TACC1: variants seen among roughly 807,000 people sequenced by gnomAD.
TACC1 encodes the protein transforming acidic coiled-coil containing protein 1.
TACC1 carries 48 observed loss-of-function variants against 84.4 expected under a neutral mutation model. The observed-to-expected ratio is 0.57, with a 90% confidence interval of 0.45 to 0.72. TACC1 has a LOEUF of 0.72. TACC1 is among the 30% of genes least tolerant of loss of function. The pLI is 0.00. For missense variants in TACC1, 920 were observed against 973.0 expected, an observed-to-expected ratio of 0.95 and a Z score of 0.72; for synonymous variants, 372 against 376.3, an observed-to-expected ratio of 0.99 and a Z score of 0.13.
At chr8:38,796,644 A>G (rs1820056467) in intron 2 of TACC1, among the ~76,000 whole-genome samples, 1 of 152,232 alleles carries the variant, frequency 6.6e-6, no homozygotes, top group Non-Finnish European at 1.5e-5. Context: ...GATTGAAAAC[A>G]TTTTGCTTCC....
chr8:38,733,061 T>C (rs557371204), intron 1 of TACC1, among the ~76,000 whole-genome samples: 1 of 152,320 alleles, frequency 6.6e-6, no homozygotes, highest in African/African-American at 2.4e-5. Flanking sequence ...AAGGAGACTG[T>C]TCCAGGCAGC....
chr8:38,798,018 A>C lies in TACC1; in HGVS notation c.277+9199A>C, dbSNP rs1281131160. On this transcript the variant is annotated intron_variant, in intron 2 of 12. Transcript: ENST00000317827. Reference sequence around the variant, plus strand: ...ATTGCTGGATTGGCTTCTCTGGAGGAGGCTTTGGCTTCCTGGTGGGTGGAC... The same window carrying C: ...ATTGCTGGATTGGCTTCTCTGGAGGCGGCTTTGGCTTCCTGGTGGGTGGAC... 3.3e-5 allele frequency among the ~76,000 whole-genome samples: 5 copies of C among 152,170 alleles called. No homozygotes were observed. The East Asian group carries it at 7.7e-4, about 23-fold the overall frequency.
At chr8:38,732,071 C>A (rs996249278) in intron 1 of TACC1, among the ~76,000 whole-genome samples, 4 of 151,906 alleles carry the variant, frequency 2.6e-5, no homozygotes, top group Non-Finnish European at 5.9e-5. Context: ...AAGATTGTAC[C>A]ACTGCACTCC....
At position 38,840,239 on chromosome 8, in the gene TACC1, A is replaced by C; in HGVS notation, c.1932A>C (p.Glu644Asp). The change falls in exon 9 of 13, where the codon GAA becomes GAC. Residue 644 changes from glutamate (E) to aspartate (D), a missense_variant. By Grantham distance (45) the Glu-to-Asp change is conservative. Around this residue, in one of 2 missense-constraint regions of TACC1, gnomAD observed 158 missense variants for 225.6 expected, o/e 0.70. Transcript: ENST00000317827. ...EVLEMRKIVAEYEKTIAQMIE... is the reference protein window; with the variant it reads ...EVLEMRKIVADYEKTIAQMIE... ...TCTCATTTAGGAAAATTGTAGCTGA[A>C]TATGAAAAGACTATTGCTCAAATGA... is the stretch of plus-strand genomic sequence containing the variant. 6.2e-7 allele frequency: 1 copy of C among 1,610,650 alleles called. No individual in the cohort carries two copies. The highest frequency in any genetic ancestry group is 8.5e-7 in the Non-Finnish European group (1 of 1,178,722).
chr8:38,763,746 C>A (rs1357247727), intron 3 of TACC1, among the ~76,000 whole-genome samples: 1 of 152,120 alleles, frequency 6.6e-6, no homozygotes, highest in Non-Finnish European at 1.5e-5. Flanking sequence ...TATTACTTTA[C>A]TGAATTCAAA....
At chr8:38,780,419 G>A (rs964620941) in intron 3 of TACC1, among the ~76,000 whole-genome samples, 1 of 152,038 alleles carries the variant, frequency 6.6e-6, no homozygotes, top group Non-Finnish European at 1.5e-5. Flanking sequence ...CTGGAGTGCA[G>A]TGGCACGATC....
chr8:38,803,635 C>CCT (rs1165973785), intron 2 of TACC1, among the ~76,000 whole-genome samples: 1 of 151,974 alleles, frequency 6.6e-6, no homozygotes, highest in Admixed American at 6.6e-5. Flanking sequence ...GTGTATAATC[C>CCT]TTTTTATGTG....
At chr8:38,759,139 G>A (rs1475862271) in intron 3 of TACC1, among the ~76,000 whole-genome samples, 2 of 152,210 alleles carry the variant, frequency 1.3e-5, no homozygotes, top group African/African-American at 2.4e-5. Context: ...GAGGCAAAGA[G>A]CCATGGGTTG....
intron 1 of TACC1, among the ~76,000 whole-genome samples, chr8:38,731,919 C>T (rs1805007419): frequency 6.6e-6 from 1 of 152,110 alleles, no homozygotes; most frequent in African/African-American, 2.4e-5. Context: ...TGAGACCAGC[C>T]TGGCCAACAT....
rs9298641 is a variant in TACC1 at position 38,753,905 on chromosome 8, T to TTTTCTTTCTTTCTTTCTTTC, written c.26+8419_26+8438dup. On this transcript the variant is annotated intron_variant, in intron 3 of 14. Coordinates refer to the TACC1 transcript ENST00000518415. ...AGGCTTCACTCTTTCCTCTTTTTCTTTTTCTTTCTTTCTTTCTTTCTTTCT... is the reference window on the plus strand; with the variant it reads ...AGGCTTCACTCTTTCCTCTTTTTCTTTTTCTTTCTTTCTTTCTTTCTTTCTTTCTTTCTTTCTTTCTTTCT... 3.1e-3 allele frequency among the ~76,000 whole-genome samples: 386 copies of TTTTCTTTCTTTCTTTCTTTC among 124,602 alleles called. 29 individuals are homozygous for TTTTCTTTCTTTCTTTCTTTC. The highest frequency in any genetic ancestry group is 3.9e-3 in the Non-Finnish European group (226 of 57,510). The allele number at this position is 124,602 out of a possible 152,430, so 81.7% of individuals were successfully genotyped here.
intron 1 of TACC1, among the ~76,000 whole-genome samples, chr8:38,731,998 G>C (rs1805021580): frequency 6.6e-6 from 1 of 152,166 alleles, no homozygotes; most frequent in African/African-American, 2.4e-5. Flanking sequence ...TGTAATCTCA[G>C]CTACTCCAGA....
intron 1 of TACC1, among the ~76,000 whole-genome samples, chr8:38,737,534 G>A (rs1193228822): frequency 2.0e-5 from 3 of 152,064 alleles, no homozygotes; most frequent in Non-Finnish European, 2.9e-5. Flanking sequence ...CTTACCTTCT[G>A]CCACAGGCTC....
intron 3 of TACC1, among the ~76,000 whole-genome samples, chr8:38,750,055 C>T (rs1007462188): frequency 7.9e-5 from 12 of 152,066 alleles, no homozygotes; most frequent in Admixed American, 6.6e-4. Flanking sequence ...GTCTTTTAGT[C>T]CTAGCCACTC....
At chr8:38,788,915 T>C in intron 2 of TACC1, 96 bp downstream of exon 2, 1 of 996,980 alleles carries the variant, frequency 1.0e-6, no homozygotes, top group Non-Finnish European at 1.5e-6. Flanking sequence ...TAGGACCATT[T>C]AAGAGAGTTT....
Position 38,819,956 on chromosome 8 carries a change from C to T in TACC1, c.712C>T (p.Leu238=). Residue 238 remains leucine (L), a synonymous_variant, in exon 3 of 13, where the codon CTG becomes TTG. Coordinates refer to ENST00000317827, the MANE Select transcript of TACC1 (RefSeq NM_006283.3). ...SKLRKPKPVP[L]RKKAIGGEFS... is the part of the protein sequence containing the mutation. The stretch of plus-strand genomic sequence containing the variant: ...GCTGAGAAAGCCCAAGCCTGTCCCC[C>T]TGAGGAAGAAAGCAATTGGAGGAGA... 6.2e-7 allele frequency: 1 copy of T among 1,614,184 alleles called. No individual in the cohort carries two copies.
At chr8:38,752,922 G>A (rs1471023730) in intron 3 of TACC1, among the ~76,000 whole-genome samples, 1 of 152,020 alleles carries the variant, frequency 6.6e-6, no homozygotes, top group Non-Finnish European at 1.5e-5. Flanking sequence ...CAGTCACTGG[G>A]GACAGACAAC....
chr8:38,778,522 CTT>C (rs900644364), intron 3 of TACC1, among the ~76,000 whole-genome samples: 2 of 152,182 alleles, frequency 1.3e-5, no homozygotes, highest in African/African-American at 2.4e-5. Context: ...GCAGGAATCT[CTT>C]TTGTTCTCTG....
At chr8:38,768,449 G>A (rs115093124) in intron 3 of TACC1, among the ~76,000 whole-genome samples, 3,910 of 152,304 alleles carry the variant, frequency 0.026, 165 homozygotes, top group African/African-American at 0.089. Flanking sequence ...GTTGATGGAC[G>A]GTGTGATGGA....
chr8:38,787,859 G>A, intron 1 of TACC1, 116 bp downstream of exon 1: 3 of 1,054,742 alleles, frequency 2.8e-6, no homozygotes, highest in Non-Finnish European at 3.9e-6. Context: ...CGGCCGTGCC[G>A]CGTCCCTGCC....
Sources: allele counts gnomAD v4.1 joint callset (sites outside exome capture counted in the v4.1 genomes callset), GRCh38; gene constraint gnomAD v4.1.1; regional missense constraint gnomAD v4.1.1; transcripts MANE v1.5; gene names NCBI Gene and HGNC (gene_info 2026-07-23, HGNC 2026-07-21).